The following GRID1 variants were observed in gnomAD, a reference collection of about 807,000 sequenced individuals.
GRID1 encodes the protein glutamate ionotropic receptor delta type subunit 1.
A neutral mutation model predicts 98.0 loss-of-function variants in GRID1; 28 were observed. That is an observed-to-expected ratio of 0.29 (90% CI 0.21 to 0.39). GRID1 has a LOEUF of 0.39. Among genes scored for constraint, GRID1 ranks in the 10% least tolerant of loss-of-function variants. The probability of loss-of-function intolerance (pLI) is 1.00; values close to 1 mark genes in which losing one functional copy is unlikely to be tolerated. For missense variants in GRID1, 1,111 were observed against 1,340.5 expected, an observed-to-expected ratio of 0.83 and a Z score of 2.67; for synonymous variants, 553 against 538.5, an observed-to-expected ratio of 1.03 and a Z score of -0.37.
At chr10:85,971,553 T>C (rs1379358608) in intron 4 of GRID1, among the ~76,000 whole-genome samples, 1 of 152,122 alleles carries the variant, frequency 6.6e-6, no homozygotes, top group African/African-American at 2.4e-5. Flanking sequence ...ACAAGCCTTT[T>C]ACAAAACAGG....
chr10:85,939,794 G>T (rs977413781), intron 4 of GRID1, among the ~76,000 whole-genome samples: 1 of 152,116 alleles, frequency 6.6e-6, no homozygotes, highest in Non-Finnish European at 1.5e-5. Flanking sequence ...GGCTGAGTGT[G>T]GTGGTTCATG....
At chr10:86,264,701 G>C in intron 2 of GRID1, 1 of 478,494 alleles carries the variant, frequency 2.1e-6, no homozygotes, top group Non-Finnish European at 4.3e-6. Flanking sequence ...GAGCCGCTCT[G>C]CCCAGGCAGC....
At chr10:86,124,834 A>G (rs1455026364) in intron 4 of GRID1, among the ~76,000 whole-genome samples, 1 of 152,180 alleles carries the variant, frequency 6.6e-6, no homozygotes, top group Non-Finnish European at 1.5e-5. Flanking sequence ...AGGGAACTGG[A>G]CAGAGCCAGG....
chr10:85,694,100 T>G (rs1270105487), intron 12 of GRID1, among the ~76,000 whole-genome samples: 2 of 152,022 alleles, frequency 1.3e-5, no homozygotes, highest in East Asian at 1.9e-4. Flanking sequence ...AGAACCTCAT[T>G]AAAAAGTGGG....
intron 2 of GRID1, among the ~76,000 whole-genome samples, chr10:86,346,535 A>G (rs1045271888): frequency 6.6e-6 from 1 of 152,196 alleles, no homozygotes; most frequent in Non-Finnish European, 1.5e-5. Context: ...GGACTTCTTA[A>G]TGAGATTAGG....
intron 12 of GRID1, among the ~76,000 whole-genome samples, chr10:85,663,954 G>A: frequency 6.6e-6 from 1 of 152,112 alleles, no homozygotes; most frequent in East Asian, 1.9e-4. Flanking sequence ...GAATAGATGA[G>A]TCAATTAACC....
At chr10:86,168,324 G>A (rs1289351533) in intron 3 of GRID1, among the ~76,000 whole-genome samples, 1 of 152,246 alleles carries the variant, frequency 6.6e-6, no homozygotes, top group Non-Finnish European at 1.5e-5. Flanking sequence ...CAGGCTGTGT[G>A]TGGAGCCGAG....
rs1846539912 is a variant in GRID1, at chr10:86,236,410, G to C, written c.236-29762C>G. Among the ~76,000 whole-genome samples, 8 of 152,322 alleles carry C rather than the reference G, an allele frequency of 5.3e-5. 1 individual carries two copies. The South Asian group carries it at 1.7e-3, about 32-fold the overall frequency. ...CCATGTTGTAGTAAAGAACAAGGATGATGAGTGCCTAGTGTGTCACATAGG... is the reference window on the plus strand; with the variant it reads ...CCATGTTGTAGTAAAGAACAAGGATCATGAGTGCCTAGTGTGTCACATAGG... On this transcript the variant is annotated intron_variant, in intron 2 of 15. Coordinates refer to ENST00000327946, the MANE Select transcript of GRID1 (RefSeq NM_017551.3).
chr10:85,837,297 A>G (rs1842919359), intron 8 of GRID1, among the ~76,000 whole-genome samples: 1 of 152,184 alleles, frequency 6.6e-6, no homozygotes, highest in Non-Finnish European at 1.5e-5. Flanking sequence ...CTCCACCTCC[A>G]GCACAACAGT....
chr10:85,697,485 T>C (rs1841406998), intron 12 of GRID1, among the ~76,000 whole-genome samples: 1 of 152,204 alleles, frequency 6.6e-6, no homozygotes, highest in South Asian at 2.1e-4. Flanking sequence ...TCTCTCTCAA[T>C]GTATCTGTGT....
At position 85,772,236 on chromosome 10, in the gene GRID1, G is replaced by A. The variant is rs553800262; in HGVS notation, c.1234-42622C>T. On this transcript the variant is annotated intron_variant, in intron 8 of 15. Transcript: ENST00000327946. ...CCTGAATGACTACTGGGTACATAAC[G>A]AAATGAAGGCAGAAATAAAGATGTT... is the stretch of plus-strand genomic sequence containing the variant. 2.5e-3 allele frequency among the ~76,000 whole-genome samples: 381 copies of A among 152,136 alleles called. 2 individuals carry two copies. Among genetic ancestry groups the A allele is most frequent in the Middle Eastern group, 0.014 (4 of 294 alleles).
At chr10:85,706,597 A>T (rs1051735955) in intron 12 of GRID1, among the ~76,000 whole-genome samples, 8 of 152,156 alleles carry the variant, frequency 5.3e-5, no homozygotes, top group Admixed American at 4.6e-4. Context: ...TCTTCACAGA[A>T]TTGGAAAAAA....
chr10:86,103,983 C>T (rs1207408705), intron 4 of GRID1, among the ~76,000 whole-genome samples: 2 of 152,192 alleles, frequency 1.3e-5, no homozygotes, highest in South Asian at 2.1e-4. Flanking sequence ...CCCTGCCGCA[C>T]TTCCCTCATA....
intron 2 of GRID1, among the ~76,000 whole-genome samples, chr10:86,329,607 G>A (rs895556430): frequency 6.6e-6 from 1 of 152,102 alleles, no homozygotes; most frequent in African/African-American, 2.4e-5. Context: ...GCTACCTTCT[G>A]TGACCATCCC....
At chr10:86,166,515 C>G (rs765235832) in intron 3 of GRID1, among the ~76,000 whole-genome samples, 2 of 152,192 alleles carry the variant, frequency 1.3e-5, no homozygotes, top group Non-Finnish European at 2.9e-5. Context: ...TCACCTAGTC[C>G]TCAGGAGAAC....
chr10:85,689,446 G>GAAA (rs56015435), intron 12 of GRID1, among the ~76,000 whole-genome samples: 4,761 of 146,692 alleles, frequency 0.032, 117 homozygotes, highest in Non-Finnish European at 0.046. Context: ...CAAAGAAATG[G>GAAA]AAAAAAAAAA....
intron 6 of GRID1, among the ~76,000 whole-genome samples, chr10:85,865,983 AGAGAGAGAGAG>A (rs1843217351): frequency 2.2e-5 from 3 of 133,754 alleles, no homozygotes; most frequent in Admixed American, 2.2e-4. Context: ...AGAGAGAGAG[AGAGAGAGAGAG>A]AGAGGCATCT....
chr10:86,359,576 A>G (rs1257586819), intron 2 of GRID1, among the ~76,000 whole-genome samples: 1 of 152,244 alleles, frequency 6.6e-6, no homozygotes, highest in Admixed American at 6.5e-5. Context: ...TATGATAACT[A>G]AAAGGAATAT....
intron 2 of GRID1, among the ~76,000 whole-genome samples, chr10:86,291,442 C>T (rs1847510681): frequency 6.6e-6 from 1 of 152,118 alleles, no homozygotes; most frequent in African/African-American, 2.4e-5. Context: ...GAGAGGGACT[C>T]CCCAACCCCG....
Sources: allele counts gnomAD v4.1 joint callset (sites outside exome capture counted in the v4.1 genomes callset), GRCh38; gene constraint gnomAD v4.1.1; transcripts MANE v1.5; gene names NCBI Gene and HGNC (gene_info 2026-07-23, HGNC 2026-07-21).